The following FNDC3B variants were observed in gnomAD, a reference collection of about 807,000 sequenced individuals.
FNDC3B encodes the protein fibronectin type III domain containing 3B.
FNDC3B carries 12 observed loss-of-function variants against 151.5 expected under a neutral mutation model. That is an observed-to-expected ratio of 0.08 (90% confidence interval 0.05 to 0.13). The LOEUF (loss-of-function observed/expected upper bound fraction) is 0.13, where lower values mean the gene tolerates loss of function less well. Among genes scored for constraint, FNDC3B ranks in the 10% least tolerant of loss-of-function variants. The pLI is 1.00. For missense variants in FNDC3B, 1,214 were observed against 1,505.3 expected (o/e 0.81, Z 3.20); for synonymous variants, 528 against 549.0 (o/e 0.96, Z 0.54).
chr3:172,370,977 T>C (rs1374462752), intron 23 of FNDC3B, among the ~76,000 whole-genome samples: 1 of 152,212 alleles, frequency 6.6e-6, no homozygotes, highest in Non-Finnish European at 1.5e-5. Flanking sequence ...TTCCATAATT[T>C]ACGTTAGGGT....
At chr3:172,082,903 A>G (rs1666318734) in intron 1 of FNDC3B, among the ~76,000 whole-genome samples, 1 of 152,194 alleles carries the variant, frequency 6.6e-6, no homozygotes, top group Non-Finnish European at 1.5e-5. Flanking sequence ...TGACAGCTAG[A>G]TTCCATTGAA....
chr3:172,226,696 A>G (rs1576816113), intron 3 of FNDC3B, among the ~76,000 whole-genome samples, 175 bp from the exon 4 acceptor site: 1 of 152,112 alleles, frequency 6.6e-6, no homozygotes, highest in African/African-American at 2.4e-5. Context: ...ATAGCTGGAG[A>G]ATTCCTTTTC....
intron 6 of FNDC3B, among the ~76,000 whole-genome samples, chr3:172,274,150 C>T (rs1039962552): frequency 5.9e-5 from 9 of 152,174 alleles, no homozygotes; most frequent in African/African-American, 2.2e-4. Flanking sequence ...AGGATATGGT[C>T]TTTCTTGACC....
chr3:172,168,610 T>C (rs1723125006), intron 3 of FNDC3B, among the ~76,000 whole-genome samples: 1 of 152,220 alleles, frequency 6.6e-6, no homozygotes, highest in African/African-American at 2.4e-5. Flanking sequence ...TGATAATATA[T>C]ACTCATCACT....
At chr3:172,265,947 A>G (rs1193046564) in intron 6 of FNDC3B, among the ~76,000 whole-genome samples, 1 of 152,238 alleles carries the variant, frequency 6.6e-6, no homozygotes, top group Admixed American at 6.5e-5. Context: ...ACAATAAGTT[A>G]AAAGAAAAAG....
intron 1 of FNDC3B, among the ~76,000 whole-genome samples, chr3:172,095,890 T>C (rs1719068150): frequency 6.6e-6 from 1 of 152,196 alleles, no homozygotes; most frequent in African/African-American, 2.4e-5. Context: ...CTACAAACAA[T>C]GTGTTGTGAA....
At chr3:172,255,830 T>G (rs1201256254) in intron 6 of FNDC3B, among the ~76,000 whole-genome samples, 4 of 152,224 alleles carry the variant, frequency 2.6e-5, no homozygotes, top group Non-Finnish European at 5.9e-5. Context: ...CACTTCCAGC[T>G]CTGAGTGAGA....
chr3:172,152,047 G>T (rs563708440), intron 3 of FNDC3B, among the ~76,000 whole-genome samples: 2 of 152,136 alleles, frequency 1.3e-5, no homozygotes, highest in Non-Finnish European at 2.9e-5. Flanking sequence ...TGAATTGGCC[G>T]CTCACTTTAG....
chr3:172,054,003 C>T (rs551980175), intron 1 of FNDC3B, among the ~76,000 whole-genome samples: 16 of 152,158 alleles, frequency 1.1e-4, no homozygotes, highest in African/African-American at 3.1e-4. Context: ...TTACCTTATT[C>T]GGACACTTTA....
At chr3:172,313,333 G>C (rs1731615577) in intron 11 of FNDC3B, among the ~76,000 whole-genome samples, 1 of 152,192 alleles carries the variant, frequency 6.6e-6, no homozygotes, top group Non-Finnish European at 1.5e-5. Context: ...TATGGGTTCT[G>C]TTCTGAGTTT....
intron 22 of FNDC3B, among the ~76,000 whole-genome samples, chr3:172,361,753 C>A (rs764463129): frequency 2.0e-5 from 3 of 152,102 alleles, no homozygotes; most frequent in Non-Finnish European, 4.4e-5. Context: ...TATCAATTTT[C>A]TTTTAGTTCA....
chr3:172,203,202 C>G (rs1485318844), intron 3 of FNDC3B, among the ~76,000 whole-genome samples: 1 of 152,200 alleles, frequency 6.6e-6, no homozygotes, highest in Non-Finnish European at 1.5e-5. Flanking sequence ...CTCCCTGCCC[C>G]CCTTCCCCTG....
intron 1 of FNDC3B, among the ~76,000 whole-genome samples, chr3:172,057,379 G>A (rs568783458): frequency 3.3e-5 from 5 of 152,278 alleles, no homozygotes; most frequent in South Asian, 4.1e-4. Flanking sequence ...CACCTTTGCC[G>A]TTCATTGTTG....
intron 1 of FNDC3B, among the ~76,000 whole-genome samples, chr3:172,083,045 T>C (rs1718363608): frequency 6.6e-6 from 1 of 152,226 alleles, no homozygotes; most frequent in Non-Finnish European, 1.5e-5. Flanking sequence ...GCAAGTGTGG[T>C]GTGTAAGCTT....
chr3:172,093,403 C>T (rs559362634), intron 1 of FNDC3B, among the ~76,000 whole-genome samples: 16 of 152,006 alleles, frequency 1.1e-4, no homozygotes, highest in African/African-American at 2.4e-4. Context: ...GGACTACAGG[C>T]GCCCGCCACC....
Position 172,247,519 on chromosome 3 carries a change from G to T in FNDC3B, c.265-14G>T. 1 of 1,612,024 alleles carries T rather than the reference G, an allele frequency of 6.2e-7. No homozygotes were observed. Among genetic ancestry groups the T allele is most frequent in the Non-Finnish European group, 8.5e-7 (1 of 1,178,488 alleles). ...AATATGTACTGCGTTCTTTCCTTTTGTGTTTTTCTTTAGGTGATTGAAGAT... is the reference window on the plus strand; with the variant it reads ...AATATGTACTGCGTTCTTTCCTTTTTTGTTTTTCTTTAGGTGATTGAAGAT... On this transcript the variant is annotated splice_polypyrimidine_tract_variant and intron_variant, in intron 4 of 25. Transcript: ENST00000415807.
At chr3:172,068,321 T>A (rs1717604871) in intron 1 of FNDC3B, among the ~76,000 whole-genome samples, 1 of 152,144 alleles carries the variant, frequency 6.6e-6, no homozygotes, top group Non-Finnish European at 1.5e-5. Flanking sequence ...GGCTCCCACT[T>A]TCAATACTCA....
At position 172,039,584 on chromosome 3, in the gene FNDC3B, A is replaced by G. The variant is rs1033375961; in HGVS notation, c.-216A>G. 3 of 153,802 alleles carry G rather than the reference A, an allele frequency of 2.0e-5. No individual in the cohort carries two copies. The highest frequency in any genetic ancestry group is 3.4e-4 in the South Asian group (2 of 5,824). The allele number at this position is 153,802 out of a possible 1,614,324, so 9.5% of individuals were successfully genotyped here. A position where few individuals can be genotyped will look rare whatever the true frequency, so the allele number is the denominator to read the frequency against. ...CCCATGTGGTCCCGACATCATTGAC[A>G]TGGCGGAATCCCCCATCAAACCCTC... On this transcript the variant is annotated 5_prime_UTR_variant, in exon 1 of 26. The change abolishes an upstream ATG in the 5' untranslated region. Coordinates refer to ENST00000415807, the MANE Select transcript of FNDC3B (RefSeq NM_022763.4).
intron 3 of FNDC3B, among the ~76,000 whole-genome samples, chr3:172,134,581 G>GT (rs575938899): frequency 2.5e-4 from 37 of 149,106 alleles, no homozygotes; most frequent in Admixed American, 1.7e-3. Flanking sequence ...TATAGAAACA[G>GT]TTTTTTTTTT....
Sources: allele counts gnomAD v4.1 joint callset (sites outside exome capture counted in the v4.1 genomes callset), GRCh38; gene constraint gnomAD v4.1.1; transcripts MANE v1.5; gene names NCBI Gene and HGNC (gene_info 2026-07-23, HGNC 2026-07-21).